Variants in CA10 observed in about 807,000 individuals in gnomAD.
CA10 encodes the protein carbonic anhydrase-related protein 10.
A neutral mutation model predicts 44.2 loss-of-function variants in CA10; 14 were observed. The observed-to-expected ratio is 0.32, with a 90% CI of 0.21 to 0.50. The LOEUF is 0.50. CA10 is among the 20% of genes least tolerant of loss of function. The probability of loss-of-function intolerance (pLI) is 0.99; values close to 1 mark genes in which losing one functional copy is unlikely to be tolerated. For missense variants in CA10, 350 were observed against 409.7 expected (o/e 0.85, Z 1.26); for synonymous variants, 159 against 141.6 (o/e 1.12, Z -0.87).
At chr17:51,898,608 A>G (rs1337542288) in intron 3 of CA10, among the ~76,000 whole-genome samples, 1 of 152,134 alleles carries the variant, frequency 6.6e-6, no homozygotes, top group Non-Finnish European at 1.5e-5. Context: ...GCTTTTAGGA[A>G]AAGTTTCAGT....
rs530080524 is a variant in CA10 at position 51,828,526 on chromosome 17, TA to T, written c.280-80709del. Among the ~76,000 whole-genome samples, 52 of 150,500 alleles carry T rather than the reference TA, an allele frequency of 3.5e-4. 1 individual carries two copies. The South Asian group carries it at 6.3e-3, about 18-fold the overall frequency. The stretch of plus-strand genomic sequence containing the variant: ...GTGGGGCTTGGCATTGGGTAGATAC[TA>T]AAAAAAAAATTTACTGAATGAACGA... On this transcript the variant is annotated intron_variant, in intron 3 of 8. Coordinates refer to ENST00000451037, the MANE Select transcript of CA10 (RefSeq NM_020178.5).
rs117058936 is a variant in CA10 at position 51,669,966 on chromosome 17, C to T, written c.466-16230G>A. ...AATTGAATCACAGGGTGGTTTCCCC[C>T]ATACTGTTCTCATGGTAGTGAATAA... On this transcript the variant is annotated intron_variant, in intron 4 of 8. Coordinates refer to ENST00000451037, the MANE Select transcript of CA10 (RefSeq NM_020178.5). 5.8e-3 allele frequency among the ~76,000 whole-genome samples: 880 copies of T among 152,304 alleles called. 7 individuals carry two copies. Among genetic ancestry groups the T allele is most frequent in the Non-Finnish European group, 9.5e-3 (648 of 68,016 alleles).
intron 3 of CA10, among the ~76,000 whole-genome samples, chr17:51,891,235 TG>T (rs1243796665): frequency 6.6e-6 from 1 of 151,952 alleles, no homozygotes; most frequent in Non-Finnish European, 1.5e-5. Flanking sequence ...TGGGAGGGGT[TG>T]TTGGTAGTGA....
intron 1 of CA10, among the ~76,000 whole-genome samples, chr17:52,085,221 CT>C (rs1396378758): frequency 2.0e-5 from 3 of 152,194 alleles, no homozygotes; most frequent in Non-Finnish European, 4.4e-5. Context: ...CACATTTCTA[CT>C]GCCTAGACAC....
At chr17:51,688,878 A>G (rs1915095265) in intron 4 of CA10, among the ~76,000 whole-genome samples, 1 of 152,190 alleles carries the variant, frequency 6.6e-6, no homozygotes, top group South Asian at 2.1e-4. Context: ...ATACAATCCT[A>G]CCAAGCACTT....
chr17:52,134,842 A>G (rs1248693020), intron 1 of CA10: 3 of 518,626 alleles, frequency 5.8e-6, no homozygotes, highest in African/African-American at 1.9e-5. Flanking sequence ...CCTCCACCCC[A>G]TGCATGAGCC....
chr17:51,659,885 A>C (rs539473428), intron 4 of CA10, among the ~76,000 whole-genome samples: 1 of 152,282 alleles, frequency 6.6e-6, no homozygotes, highest in South Asian at 2.1e-4. Flanking sequence ...GTCTGTGTCT[A>C]CTTTTGGGTA....
intron 1 of CA10, among the ~76,000 whole-genome samples, chr17:52,124,169 C>T (rs1000661275): frequency 6.6e-6 from 1 of 152,236 alleles, no homozygotes; most frequent in African/African-American, 2.4e-5. Flanking sequence ...TTTACCCTCT[C>T]TAGTCCTGCA....
At chr17:52,148,256 C>A (rs1989630769) in intron 1 of CA10, among the ~76,000 whole-genome samples, 1 of 152,146 alleles carries the variant, frequency 6.6e-6, no homozygotes. Context: ...TTGTTTTCTC[C>A]CAAGTAGGAA....
intron 2 of CA10, chr17:52,070,620 G>A (rs1987655359): frequency 6.6e-6 from 1 of 152,176 alleles, no homozygotes; most frequent in Admixed American, 6.5e-5. Context: ...TTCCCATGTA[G>A]TAAGGTTTAC....
chr17:51,900,189 C>T (rs373545871), intron 3 of CA10, among the ~76,000 whole-genome samples: 3 of 152,124 alleles, frequency 2.0e-5, no homozygotes, highest in African/African-American at 7.2e-5. Flanking sequence ...CCATATTTAG[C>T]ATTCCCTTAA....
chr17:51,940,196 G>A (rs1485298518), intron 2 of CA10, among the ~76,000 whole-genome samples: 1 of 152,040 alleles, frequency 6.6e-6, no homozygotes, highest in African/African-American at 2.4e-5. Context: ...CACAGATTAA[G>A]TTTCCATATG....
chr17:52,020,140 T>G (rs1270232081), intron 2 of CA10, among the ~76,000 whole-genome samples: 1 of 152,016 alleles, frequency 6.6e-6, no homozygotes, highest in African/African-American at 2.4e-5. Flanking sequence ...CCTTTTATCA[T>G]TATAAAATAT....
At chr17:51,658,768 T>C (rs1913893752) in intron 4 of CA10, among the ~76,000 whole-genome samples, 1 of 152,204 alleles carries the variant, frequency 6.6e-6, no homozygotes, top group Non-Finnish European at 1.5e-5. Flanking sequence ...ATCTCTCTGG[T>C]GTGGAGGAGG....
intron 4 of CA10, among the ~76,000 whole-genome samples, chr17:51,716,637 C>T (rs1429168413): frequency 6.6e-6 from 1 of 152,186 alleles, no homozygotes; most frequent in East Asian, 1.9e-4. Context: ...CACCACTTAC[C>T]AAGGTATGAA....
At chr17:51,926,933 A>C (rs1982455097) in intron 3 of CA10, among the ~76,000 whole-genome samples, 1 of 152,236 alleles carries the variant, frequency 6.6e-6, no homozygotes, top group African/African-American at 2.4e-5. Context: ...TTTTCAAATG[A>C]AATGGAAAGA....
At chr17:52,021,499 C>G (rs1355778096) in intron 2 of CA10, among the ~76,000 whole-genome samples, 3 of 151,984 alleles carry the variant, frequency 2.0e-5, no homozygotes, top group Non-Finnish European at 4.4e-5. Flanking sequence ...AATAGCCATT[C>G]TGACTTGAGA....
rs1904404466 is a variant in CA10 at position 51,740,281 on chromosome 17, C to T, written c.465+7352G>A. On this transcript the variant is annotated intron_variant, in intron 4 of 8. Coordinates refer to ENST00000451037, the MANE Select transcript of CA10 (RefSeq NM_020178.5). ...GGAGTTAACAGTCTGATTGGAAAGA[C>T]AGGATCCTCTACTATACTGTAGGCT... 2.6e-5 allele frequency among the ~76,000 whole-genome samples: 4 copies of T among 152,136 alleles called. No individual in the cohort carries two copies. In the South Asian group the frequency reaches 8.3e-4, roughly 31 times the overall value.
At position 51,816,169 on chromosome 17, in the gene CA10, A is replaced by C. The variant is rs546423029; in HGVS notation, c.280-68351T>G. 5.3e-5 allele frequency among the ~76,000 whole-genome samples: 8 copies of C among 152,268 alleles called. No individual in the cohort carries two copies. The East Asian group carries it at 1.4e-3, about 26-fold the overall frequency. On this transcript the variant is annotated intron_variant, in intron 3 of 8. Coordinates refer to ENST00000451037, the MANE Select transcript of CA10 (RefSeq NM_020178.5). ...TCACACAAATAAGTGAGGACATGCA[A>C]TGTTTGTCTGTGCCTGACTTATTTC...
Sources: gnomAD v4.1 joint callset for allele counts (sites outside exome capture counted in the v4.1 genomes callset) on GRCh38, gnomAD v4.1.1 for gene constraint, MANE v1.5 for transcripts, NCBI Gene and HGNC (gene_info 2026-07-23, HGNC 2026-07-21) for gene names.